Variants in CCDC15 observed in about 807,000 individuals in gnomAD.
CCDC15 encodes coiled-coil domain-containing protein 15.
Under a neutral mutation model 114.5 loss-of-function variants are expected in CCDC15, and 105 were observed. That is an observed-to-expected ratio of 0.92 (90% CI 0.78 to 1.08). The LOEUF is 1.08. CCDC15 is among the 50% of genes least tolerant of loss of function. The probability of loss-of-function intolerance (pLI) is 0.00; values close to 1 mark genes in which losing one functional copy is unlikely to be tolerated. For missense variants in CCDC15, 1,105 were observed against 1,093.6 expected (o/e 1.01, Z -0.15); for synonymous variants, 334 against 377.8 (o/e 0.88, Z 1.34).
intron 13 of CCDC15, among the ~76,000 whole-genome samples, chr11:125,030,139 A>G (rs1282649094): frequency 6.6e-6 from 1 of 152,114 alleles, no homozygotes; most frequent in South Asian, 2.1e-4. Context: ...GTGGATCACT[A>G]TGGGTGATGG....
At chr11:124,994,310 G>A (rs1446730341) in intron 11 of CCDC15, among the ~76,000 whole-genome samples, 1 of 152,046 alleles carries the variant, frequency 6.6e-6, no homozygotes, top group Non-Finnish European at 1.5e-5. Flanking sequence ...GTGGAATTTG[G>A]ACAAGATTAT....
intron 13 of CCDC15, among the ~76,000 whole-genome samples, chr11:125,018,125 C>T (rs2135534251): frequency 6.6e-6 from 1 of 152,234 alleles, no homozygotes; most frequent in South Asian, 2.1e-4. Context: ...CATTTACTTA[C>T]TACTCGCTCA....
At chr11:124,997,956 T>C (rs993144515) in intron 11 of CCDC15, among the ~76,000 whole-genome samples, 6 of 151,896 alleles carry the variant, frequency 4.0e-5, no homozygotes, top group African/African-American at 1.2e-4. Context: ...AATAAATAAA[T>C]AAACAAACAA....
In CCDC15 at chr11:125,038,522, T is replaced by C. The variant is rs1444609128; in HGVS notation, c.2503T>C (p.Leu835=). The change falls in exon 14 of 16, where the codon TTG becomes CTG. Residue 835 remains leucine, a synonymous_variant. Transcript: ENST00000344762. ...FHEDPYSGEK[L]SEILAQLQLQ... ...TGAAGATCCATATTCAGGAGAGAAG[T>C]TGAGTGAGATATTAGCCCAGTTACA... 1 of 1,587,614 alleles carries C rather than the reference T, an allele frequency of 6.3e-7. No individual in the cohort carries two copies.
At chr11:125,038,405 TA>T in intron 13 of CCDC15, 25 bp from the exon 14 acceptor site, 1 of 1,353,150 alleles carries the variant, frequency 7.4e-7, no homozygotes, top group Non-Finnish European at 9.7e-7. Context: ...ATGAAATTCC[TA>T]ACCATGTTAT....
At chr11:124,993,029 AAC>A in intron 10 of CCDC15, 138 bp from the exon 11 acceptor site, 7 of 537,428 alleles carry the variant, frequency 1.3e-5, no homozygotes, top group Non-Finnish European at 1.9e-5. Flanking sequence ...TTTTATGTTG[AAC>A]ACACACACAG....
intron 6 of CCDC15, 120 bp downstream of exon 6, chr11:124,977,720 A>G: frequency 2.1e-6 from 2 of 958,392 alleles, no homozygotes; most frequent in South Asian, 2.1e-5. Context: ...CTTTATTGAG[A>G]TATAATTCAT....
chr11:125,013,512 G>A (rs995877419), intron 13 of CCDC15, among the ~76,000 whole-genome samples: 2 of 152,156 alleles, frequency 1.3e-5, no homozygotes, highest in African/African-American at 4.8e-5. Flanking sequence ...TGTGGAGGAC[G>A]ATGAGGGCAC....
At chr11:124,969,205 C>T (rs1174881023) in intron 4 of CCDC15, among the ~76,000 whole-genome samples, 4 of 152,160 alleles carry the variant, frequency 2.6e-5, no homozygotes, top group East Asian at 1.9e-4. Context: ...GCTCTTAATC[C>T]GCACCCCTTA....
chr11:125,022,394 T>C (rs1948667023), intron 13 of CCDC15, among the ~76,000 whole-genome samples: 1 of 151,998 alleles, frequency 6.6e-6, no homozygotes, highest in Non-Finnish European at 1.5e-5. Context: ...ACGATGTTTA[T>C]GTCCTGTACT....
rs1035373522 is a variant in CCDC15, at chr11:124,998,777, G to T, written c.2215-5090G>T. The stretch of plus-strand genomic sequence containing the variant: ...TTTGGAGACAGAGTCTCACTCTGTC[G>T]CCTAGGCAGGAGTGCAGTGGTGTGA... On this transcript the variant is annotated intron_variant, in intron 11 of 15. Coordinates refer to ENST00000344762, the MANE Select transcript of CCDC15 (RefSeq NM_025004.3). Among the ~76,000 whole-genome samples the T allele has an allele frequency of 3.5e-5, 5 of 140,968 alleles. No individual in the cohort carries two copies. The East Asian group carries it at 8.4e-4, about 24-fold the overall frequency. 92.5% of individuals were successfully genotyped at this position (140,968 alleles called of 152,430 possible).
At chr11:124,973,010 C>G (rs960477178) in intron 4 of CCDC15, among the ~76,000 whole-genome samples, 11 of 152,240 alleles carry the variant, frequency 7.2e-5, no homozygotes, top group African/African-American at 2.6e-4. Flanking sequence ...GGATTAACAC[C>G]TGGTATCTTT....
chr11:124,996,745 T>G (rs562758242), intron 11 of CCDC15, among the ~76,000 whole-genome samples: 1 of 152,318 alleles, frequency 6.6e-6, no homozygotes, highest in East Asian at 1.9e-4. Flanking sequence ...CCATTCTACT[T>G]TCTGTATTCA....
At chr11:124,994,499 A>T (rs1948329147) in intron 11 of CCDC15, among the ~76,000 whole-genome samples, 1 of 152,132 alleles carries the variant, frequency 6.6e-6, no homozygotes, top group East Asian at 1.9e-4. Flanking sequence ...ACTATATTTT[A>T]GATGTATTTT....
chr11:124,956,474 G>T (rs1275395181), intron 2 of CCDC15, among the ~76,000 whole-genome samples: 1 of 151,968 alleles, frequency 6.6e-6, no homozygotes, highest in Non-Finnish European at 1.5e-5. Flanking sequence ...GAGAAGGGAT[G>T]AATGCAGGAA....
chr11:124,971,789 A>G (rs1947886992), intron 4 of CCDC15, among the ~76,000 whole-genome samples: 1 of 152,144 alleles, frequency 6.6e-6, no homozygotes, highest in African/African-American at 2.4e-5. Context: ...GCATTCTTTT[A>G]GTTTTGTCTT....
rs1222112933 is a variant in CCDC15 at position 125,039,074 on chromosome 11, G to A, written c.2734+5G>A. 5 of 1,581,482 alleles carry A rather than the reference G, an allele frequency of 3.2e-6. No homozygotes were observed. The highest frequency in any genetic ancestry group is 4.3e-6 in the Non-Finnish European group (5 of 1,159,996). On this transcript the variant is annotated splice_donor_5th_base_variant and intron_variant, in intron 15 of 15. Transcript: ENST00000344762. ...TTTTCTATAAAAACCACAGAGGTAA[G>A]TTTCTTGAAGGAATAGTCAGGGCCT...
At chr11:125,033,266 C>T (rs1410891210) in intron 13 of CCDC15, among the ~76,000 whole-genome samples, 4 of 152,104 alleles carry the variant, frequency 2.6e-5, no homozygotes, top group Admixed American at 1.3e-4. Flanking sequence ...CTAGAAACAC[C>T]GTGATTAATT....
At chr11:125,029,065 A>ATAT in intron 13 of CCDC15, among the ~76,000 whole-genome samples, 1 of 152,324 alleles carries the variant, frequency 6.6e-6, no homozygotes, top group Non-Finnish European at 1.5e-5. Context: ...AGAAAGATAT[A>ATAT]GTCTGGGAGG....
Sources: gnomAD v4.1 joint callset for allele counts (sites outside exome capture counted in the v4.1 genomes callset) on GRCh38, gnomAD v4.1.1 for gene constraint, MANE v1.5 for transcripts, NCBI Gene and HGNC (gene_info 2026-07-23, HGNC 2026-07-21) for gene names.